Variants in ESR1 observed in about 807,000 individuals in gnomAD.
The protein encoded by ESR1 is estrogen receptor 1, also known as estrogen receptor.
A neutral mutation model predicts 52.7 loss-of-function variants in ESR1; 12 were observed. That is an observed-to-expected ratio of 0.23 (90% CI 0.15 to 0.37). The LOEUF is 0.37. Ranked by LOEUF, ESR1 falls within the 10% of genes least tolerant of loss-of-function variation. The pLI is 1.00. For synonymous variants in ESR1, 305 were observed against 316.8 expected, an observed-to-expected ratio of 0.96 and a Z score of 0.39; for missense variants, 584 against 779.7, an observed-to-expected ratio of 0.75 and a Z score of 2.99.
At chr6:151,739,516 A>C (rs944910623) in intron 2 of ESR1, among the ~76,000 whole-genome samples, 2 of 152,194 alleles carry the variant, frequency 1.3e-5, no homozygotes, top group African/African-American at 4.8e-5. Flanking sequence ...CAAAGTGAAA[A>C]ACAGCTGTGG....
chr6:151,920,680 G>C lies in ESR1; in HGVS notation c.761-23493G>C, dbSNP rs117801647. On this transcript the variant is annotated intron_variant, in intron 3 of 7. Transcript: ENST00000206249. ...GTAGAATGCCTCCCAGTCTGAATTT[G>C]TCTGATGTTTTCCTCATGGTTTGAC... Among the ~76,000 whole-genome samples, 15 of 152,230 alleles carry C rather than the reference G, an allele frequency of 9.9e-5. No homozygotes were observed. The East Asian group carries it at 2.9e-3, about 29-fold the overall frequency.
At chr6:151,711,106 G>C (rs1780570165) in intron 2 of ESR1, among the ~76,000 whole-genome samples, 1 of 152,120 alleles carries the variant, frequency 6.6e-6, no homozygotes, top group Admixed American at 6.5e-5. Flanking sequence ...TCTAGTTCTA[G>C]ATCCTTGAGA....
At chr6:151,847,853 C>G (rs1275286587) in intron 2 of ESR1, among the ~76,000 whole-genome samples, 1 of 151,618 alleles carries the variant, frequency 6.6e-6, no homozygotes, top group Non-Finnish European at 1.5e-5. Flanking sequence ...AGGTTTTCTT[C>G]TAGGGTTTTT....
chr6:152,016,921 C>T (rs1025654052), intron 5 of ESR1, among the ~76,000 whole-genome samples: 2 of 152,104 alleles, frequency 1.3e-5, no homozygotes, highest in Middle Eastern at 3.2e-3. Flanking sequence ...ATCAGGAGCC[C>T]TGCAACCCAT....
chr6:151,967,475 G>A (rs2038405009), intron 4 of ESR1, among the ~76,000 whole-genome samples: 1 of 152,094 alleles, frequency 6.6e-6, no homozygotes, highest in Non-Finnish European at 1.5e-5. Context: ...GAGAATGATG[G>A]TTTCCAACTT....
intron 1 of ESR1, among the ~76,000 whole-genome samples, chr6:151,822,272 G>A (rs1304951273): frequency 1.3e-5 from 2 of 152,174 alleles, no homozygotes; most frequent in African/African-American, 4.8e-5. Context: ...TTTGAGGTAG[G>A]TGAAGTTAGT....
intron 2 of ESR1, among the ~76,000 whole-genome samples, chr6:151,868,847 A>G (rs1790428728): frequency 6.6e-6 from 1 of 152,194 alleles, no homozygotes; most frequent in Non-Finnish European, 1.5e-5. Flanking sequence ...TTCTCCTACG[A>G]AGTTAATTTG....
At chr6:151,917,891 G>T (rs956069223) in intron 3 of ESR1, among the ~76,000 whole-genome samples, 2 of 152,190 alleles carry the variant, frequency 1.3e-5, no homozygotes, top group African/African-American at 4.8e-5. Flanking sequence ...AAAAGATGAA[G>T]ATGCACGCTC....
At chr6:151,762,907 T>G (rs907529602) in intron 2 of ESR1, among the ~76,000 whole-genome samples, 7 of 152,120 alleles carry the variant, frequency 4.6e-5, no homozygotes, top group African/African-American at 1.7e-4. Context: ...GCCACTGCAC[T>G]CTAGCCTGGG....
At chr6:151,981,773 A>G in intron 4 of ESR1, among the ~76,000 whole-genome samples, 1 of 152,248 alleles carries the variant, frequency 6.6e-6, no homozygotes, top group Middle Eastern at 3.2e-3. Context: ...GCAATCTTGT[A>G]ATATAACTTA....
chr6:151,820,941 G>T (rs1477459627), intron 1 of ESR1, among the ~76,000 whole-genome samples: 1 of 152,164 alleles, frequency 6.6e-6, no homozygotes, highest in Non-Finnish European at 1.5e-5. Flanking sequence ...AAATTGTAGT[G>T]TAATTTGGTG....
At chr6:151,949,072 C>G (rs117638695) in intron 4 of ESR1, among the ~76,000 whole-genome samples, 1 of 152,152 alleles carries the variant, frequency 6.6e-6, no homozygotes, top group Non-Finnish European at 1.5e-5. Context: ...TCTCCTTTTT[C>G]CTCTCCTCAA....
chr6:152,095,673 T>C (rs2050552941), intron 7 of ESR1, among the ~76,000 whole-genome samples: 1 of 152,250 alleles, frequency 6.6e-6, no homozygotes, highest in South Asian at 2.1e-4. Flanking sequence ...TGACTATTTC[T>C]GAGCAATAAT....
intron 1 of ESR1, among the ~76,000 whole-genome samples, chr6:151,700,101 C>T (rs1779659405): frequency 6.6e-6 from 1 of 151,504 alleles, no homozygotes; most frequent in Admixed American, 6.6e-5. Flanking sequence ...AGAGTTCATT[C>T]CTAAGGTTGT....
At chr6:152,063,401 AC>A (rs537676537) in intron 6 of ESR1, among the ~76,000 whole-genome samples, 97 of 152,232 alleles carry the variant, frequency 6.4e-4, no homozygotes, top group Non-Finnish European at 1.0e-3. Flanking sequence ...CTGTCTCTCA[AC>A]CCTGTACAAA....
chr6:152,046,291 A>G (rs1434363734), intron 5 of ESR1, among the ~76,000 whole-genome samples: 1 of 152,224 alleles, frequency 6.6e-6, no homozygotes, highest in Non-Finnish European at 1.5e-5. Context: ...CTATTTATTA[A>G]TAGAGTAGGG....
chr6:151,716,223 C>A (rs1781021848), intron 2 of ESR1, among the ~76,000 whole-genome samples: 1 of 152,126 alleles, frequency 6.6e-6, no homozygotes. Context: ...AGAGGGGCAC[C>A]CACCAGATGC....
At chr6:151,736,516 G>A (rs1195673806) in intron 2 of ESR1, among the ~76,000 whole-genome samples, 1 of 151,782 alleles carries the variant, frequency 6.6e-6, no homozygotes. Context: ...GGGACTACAG[G>A]CACAAGCCAC....
At chr6:152,120,109 G>A (rs1182698128) in intron 6 of ESR1, among the ~76,000 whole-genome samples, 1 of 152,228 alleles carries the variant, frequency 6.6e-6, no homozygotes, top group African/African-American at 2.4e-5. Flanking sequence ...AGTGACGGGA[G>A]ATGCCTAGGA....
Sources: allele counts gnomAD v4.1 joint callset (sites outside exome capture counted in the v4.1 genomes callset), GRCh38; gene constraint gnomAD v4.1.1; transcripts MANE v1.5; gene names NCBI Gene and HGNC (gene_info 2026-07-23, HGNC 2026-07-21).